The following NRXN3 variants were observed in gnomAD, a reference collection of about 807,000 sequenced individuals.
NRXN3 encodes the protein neurexin 3, also known as neurexin III.
A neutral mutation model predicts 137.6 loss-of-function variants in NRXN3; 32 were observed. The ratio of observed to expected loss-of-function variants is 0.23; its 90% CI spans 0.18 to 0.31. The LOEUF is 0.31. NRXN3 is among the 10% of genes least tolerant of loss of function. NRXN3 has a pLI of 1.00. For synonymous variants in NRXN3, 798 were observed against 784.5 expected (o/e 1.02, Z -0.29); for missense variants, 1,574 against 2,062.5 (o/e 0.76, Z 4.59).
chr14:79,642,772 G>A (rs1302689673), intron 16 of NRXN3, among the ~76,000 whole-genome samples: 1 of 135,282 alleles, frequency 7.4e-6, no homozygotes, highest in African/African-American at 2.5e-5. Context: ...CTGATTTCCT[G>A]TATAGTAACT....
intron 15 of NRXN3, among the ~76,000 whole-genome samples, chr14:79,454,119 C>G (rs1235169869): frequency 6.6e-6 from 1 of 151,884 alleles, no homozygotes; most frequent in Non-Finnish European, 1.5e-5. Flanking sequence ...GAGTCTCGCT[C>G]TGTCACCAGG....
chr14:78,926,813 T>A (rs1386217877), intron 10 of NRXN3, among the ~76,000 whole-genome samples: 23 of 50,168 alleles, frequency 4.6e-4, no homozygotes, highest in East Asian at 2.5e-3. Flanking sequence ...TTTATATATA[T>A]TATATATTAT....
Position 79,864,024 on chromosome 14 carries a change from A to AAGAC in NRXN3, c.*2063_*2066dup, listed in dbSNP as rs1285572628. ...TTTAATTTTTTTGTTATCATTAAAA[A>AAGAC]AGACAGGATTATAAAGAGATATCAA... is the stretch of plus-strand genomic sequence containing the variant. On this transcript the variant is annotated 3_prime_UTR_variant, in exon 21 of 21. Coordinates refer to ENST00000335750, the MANE Select transcript of NRXN3 (RefSeq NM_001330195.2). The AAGAC allele has an allele frequency of 5.9e-5, 9 of 152,602 alleles. No homozygotes were observed. The highest frequency in any genetic ancestry group is 2.2e-4 in the African/African-American group (9 of 41,470). 9.5% of individuals were successfully genotyped at this position (152,602 alleles called of 1,614,324 possible).
At chr14:78,250,928 G>A (rs2068516754) in intron 2 of NRXN3, among the ~76,000 whole-genome samples, 1 of 151,994 alleles carries the variant, frequency 6.6e-6, no homozygotes, top group Admixed American at 6.6e-5. Flanking sequence ...CTGTCTCAGG[G>A]GCTTTGTTCC....
chr14:78,575,535 T>C (rs2096928606), intron 4 of NRXN3, among the ~76,000 whole-genome samples: 1 of 152,232 alleles, frequency 6.6e-6, no homozygotes, highest in African/African-American at 2.4e-5. Flanking sequence ...AGTGGTTCAT[T>C]CATGCAACAA....
chr14:79,586,834 T>C (rs1003959360), intron 16 of NRXN3, among the ~76,000 whole-genome samples: 2 of 152,244 alleles, frequency 1.3e-5, no homozygotes, highest in Non-Finnish European at 2.9e-5. Flanking sequence ...ACACCAGTAG[T>C]AGCTATTCAT....
chr14:79,803,265 G>A (rs1603541831), intron 19 of NRXN3, among the ~76,000 whole-genome samples: 2 of 152,128 alleles, frequency 1.3e-5, no homozygotes, highest in African/African-American at 4.8e-5. Flanking sequence ...ATGTTTTCTG[G>A]AACTCCTAAG....
chr14:78,274,517 C>CAA, intron 2 of NRXN3, among the ~76,000 whole-genome samples: 1 of 152,176 alleles, frequency 6.6e-6, no homozygotes, highest in Admixed American at 6.5e-5. Context: ...ATTACGGGAA[C>CAA]TACAATTCAA....
At chr14:79,833,676 T>C (rs568159910) in intron 20 of NRXN3, among the ~76,000 whole-genome samples, 65 of 152,262 alleles carry the variant, frequency 4.3e-4, no homozygotes, top group Non-Finnish European at 7.5e-4. Context: ...CTCACTGAAG[T>C]CCTTCTAAAA....
intron 4 of NRXN3, among the ~76,000 whole-genome samples, chr14:78,374,290 A>G (rs981942697): frequency 1.3e-5 from 2 of 152,188 alleles, no homozygotes; most frequent in Admixed American, 6.5e-5. Flanking sequence ...AATCTTTAGT[A>G]TAAGTTTTAT....
At chr14:78,971,147 A>G (rs1333996956) in intron 14 of NRXN3, among the ~76,000 whole-genome samples, 1 of 152,100 alleles carries the variant, frequency 6.6e-6, no homozygotes, top group Non-Finnish European at 1.5e-5. Flanking sequence ...TCTGTGTAAG[A>G]TGGTGGGGAG....
intron 4 of NRXN3, among the ~76,000 whole-genome samples, chr14:78,325,145 A>G (rs2079898049): frequency 6.6e-6 from 1 of 152,012 alleles, no homozygotes; most frequent in African/African-American, 2.4e-5. Flanking sequence ...ATATATAAAA[A>G]TTAGCATCAG....
At chr14:78,975,951 T>C (rs1177845327) in intron 14 of NRXN3, among the ~76,000 whole-genome samples, 2 of 152,198 alleles carry the variant, frequency 1.3e-5, no homozygotes, top group African/African-American at 4.8e-5. Flanking sequence ...ACTCCTGTGA[T>C]CCACGGGAGG....
chr14:79,361,403 C>T (rs964954814), intron 15 of NRXN3, among the ~76,000 whole-genome samples: 1 of 152,082 alleles, frequency 6.6e-6, no homozygotes, highest in African/African-American at 2.4e-5. Flanking sequence ...CTTCCTCTGC[C>T]CCTGACCAAA....
At chr14:79,803,568 T>C (rs2099190335) in intron 19 of NRXN3, among the ~76,000 whole-genome samples, 1 of 152,108 alleles carries the variant, frequency 6.6e-6, no homozygotes, top group African/African-American at 2.4e-5. Context: ...TGCTTCATTT[T>C]AACTTCATTA....
chr14:78,912,086 A>G (rs564433738), intron 10 of NRXN3, among the ~76,000 whole-genome samples: 2 of 150,922 alleles, frequency 1.3e-5, no homozygotes, highest in East Asian at 4.0e-4. Context: ...CCATCCCACA[A>G]CAGTCCCCGG....
intron 15 of NRXN3, among the ~76,000 whole-genome samples, chr14:79,356,365 C>A (rs771810366): frequency 6.6e-6 from 1 of 152,042 alleles, no homozygotes; most frequent in Non-Finnish European, 1.5e-5. Context: ...TTTTTAATGC[C>A]GCCTGCTGTG....
intron 19 of NRXN3, among the ~76,000 whole-genome samples, chr14:79,770,370 G>T (rs1274521002): frequency 4.0e-5 from 6 of 149,376 alleles, no homozygotes; most frequent in Non-Finnish European, 7.4e-5. Flanking sequence ...CCACATACTT[G>T]GAAGTAAAGC....
At chr14:78,208,886 A>T (rs2062467169) in intron 1 of NRXN3, among the ~76,000 whole-genome samples, 1 of 152,302 alleles carries the variant, frequency 6.6e-6, no homozygotes, top group Middle Eastern at 3.4e-3. Context: ...TAGTTCGCGT[A>T]TGTGTCCCCA....
Sources: allele counts gnomAD v4.1 joint callset (sites outside exome capture counted in the v4.1 genomes callset), GRCh38; gene constraint gnomAD v4.1.1; transcripts MANE v1.5; gene names NCBI Gene and HGNC (gene_info 2026-07-23, HGNC 2026-07-21).